The following SPACA6 variants were observed in gnomAD, a reference collection of about 807,000 sequenced individuals.
The protein encoded by SPACA6 is sperm acrosome associated 6, also known as sperm acrosome membrane-associated protein 6.
For missense variants in SPACA6, 8 were observed against 2.8 expected, an observed-to-expected ratio of 2.88 and a Z score of -1.34; for synonymous variants, 6 against 1.5, an observed-to-expected ratio of 4.05 and a Z score of -2.21.
In SPACA6 at chr19:51,704,061, A is replaced by G; in HGVS notation, c.605A>G (p.Asp202Gly). Residue 202 changes from aspartate to glycine, a missense_variant, in exon 7 of 9, where the codon GAT becomes GGT. Coordinates refer to ENST00000637797, the MANE Select transcript of SPACA6 (RefSeq NM_001316972.2). The part of the protein sequence containing the change: ...LRTQDLSYFR[D>G]MPRAEGYLAR... ...ACTCAGGACTTGTCCTATTTCCGAG[A>G]TATGCCGCGGGCCGAAGGATACCTG... 1 of 401,078 alleles carries G rather than the reference A, an allele frequency of 2.5e-6. No individual in the cohort carries two copies. The highest frequency in any genetic ancestry group is 3.6e-5 in the East Asian group (1 of 28,050). 24.8% of individuals were successfully genotyped at this position (401,078 alleles called of 1,614,324 possible).
chr19:51,687,012 G>C (rs1343761009), upstream of SPACA6: 4 of 152,286 alleles, frequency 2.6e-5, no homozygotes, highest in South Asian at 6.2e-4. Context: ...TTTGGGCCAG[G>C]TGTGGTGGCT....
chr19:51,697,054 C>T (rs896231338), intron 2 of SPACA6, among the ~76,000 whole-genome samples: 1 of 152,192 alleles, frequency 6.6e-6, no homozygotes, highest in Non-Finnish European at 1.5e-5. Flanking sequence ...GGCTTCACCA[C>T]CTCTGACCAG....
downstream of SPACA6, among the ~76,000 whole-genome samples, chr19:51,707,599 T>C (rs2083521965): frequency 6.6e-6 from 1 of 152,104 alleles, no homozygotes; most frequent in South Asian, 2.1e-4. Flanking sequence ...TACCAACCAG[T>C]TCTCCAACTC....
upstream of SPACA6, chr19:51,687,254 AATAAATACATAC>A (rs1230387698): frequency 7.3e-6 from 1 of 136,976 alleles, no homozygotes; most frequent in African/African-American, 2.7e-5. Flanking sequence ...CCGTCTCAAA[AATAAATACATAC>A]ATACATACAT....
upstream of SPACA6, chr19:51,693,206 C>T (rs1230746841): frequency 6.9e-6 from 4 of 583,702 alleles, no homozygotes; most frequent in Admixed American, 4.8e-5. Context: ...TGCCTATCTC[C>T]ATCTCTGACC....
chr19:51,706,882 C>T (rs1032504871), downstream of SPACA6, among the ~76,000 whole-genome samples: 1 of 152,214 alleles, frequency 6.6e-6, no homozygotes, highest in Admixed American at 6.5e-5. Flanking sequence ...TGATCTCAAA[C>T]TCCTCACCTC....
intron 2 of SPACA6, among the ~76,000 whole-genome samples, chr19:51,711,510 A>G (rs1338763592): frequency 6.6e-6 from 1 of 152,238 alleles, no homozygotes; most frequent in Non-Finnish European, 1.5e-5. Context: ...ACATAGAATT[A>G]ACATAAACCC....
chr19:51,687,334 A>G (rs1293137874), upstream of SPACA6: 1 of 152,080 alleles, frequency 6.6e-6, no homozygotes, highest in Non-Finnish European at 1.5e-5. Context: ...AATATGCATA[A>G]CCATTAGTTT....
In SPACA6 at chr19:51,703,307, C is replaced by T. The variant is rs2083484891; in HGVS notation, c.543C>T (p.Ile181=). The part of the protein sequence containing the change: ...IVNFQLPKEE[I]TYSWKFAGGG... The stretch of plus-strand genomic sequence containing the variant: ...ACTTCCAGCTGCCAAAGGAGGAGAT[C>T]ACCTATTCCTGGAAGTTCGCAGGAG... Residue 181 remains isoleucine, a synonymous_variant, in exon 6 of 9, where the codon ATC becomes ATT. Transcript: ENST00000637797. This position sits in a 1 kb window ranked among gnomAD's most constrained non-coding sequence, Gnocchi z 4.2. The T allele has an allele frequency of 2.5e-6, 1 of 399,334 alleles. No homozygotes were observed. Among genetic ancestry groups the T allele is most frequent in the Non-Finnish European group, 4.4e-6 (1 of 226,160 alleles). The allele number at this position is 399,334 out of a possible 1,614,324, so 24.7% of individuals were successfully genotyped here.
At chr19:51,688,436 C>G (rs2083338856), upstream of SPACA6, 1 of 152,388 alleles carries the variant, frequency 6.6e-6, no homozygotes, top group Non-Finnish European at 1.5e-5. Context: ...GTGTCATACC[C>G]AGATCACCCG....
At chr19:51,690,562 C>T (rs2083361368), upstream of SPACA6, among the ~76,000 whole-genome samples, 1 of 152,016 alleles carries the variant, frequency 6.6e-6, no homozygotes, top group Admixed American at 6.5e-5. Context: ...CTGTTTGGGT[C>T]TGCTCTCTGA....
upstream of SPACA6, chr19:51,689,294 G>A (rs2083349190): frequency 6.6e-6 from 1 of 152,044 alleles, no homozygotes; most frequent in African/African-American, 2.4e-5. Flanking sequence ...GCGGTGGGGA[G>A]GGGCCGGGGC....
downstream of SPACA6, among the ~76,000 whole-genome samples, chr19:51,707,306 TG>T (rs1376708573): frequency 6.6e-6 from 1 of 151,660 alleles, no homozygotes; most frequent in African/African-American, 2.4e-5. Context: ...CTGCAGCCTT[TG>T]CCTCCTGGGT....
upstream of SPACA6, chr19:51,685,729 C>G (rs907797988): frequency 6.6e-6 from 1 of 152,170 alleles, no homozygotes; most frequent in African/African-American, 2.4e-5. Context: ...GTTGCCCAGG[C>G]TGGTCTCAAA....
intron 2 of SPACA6, among the ~76,000 whole-genome samples, chr19:51,695,193 AAG>A (rs2083419886): frequency 6.6e-6 from 1 of 152,182 alleles, no homozygotes; most frequent in African/African-American, 2.4e-5. Context: ...GAAAAGAGAC[AAG>A]GTGTGACTGT....
chr19:51,711,102 A>T (rs961875347), intron 2 of SPACA6, among the ~76,000 whole-genome samples: 1 of 152,168 alleles, frequency 6.6e-6, no homozygotes, highest in Non-Finnish European at 1.5e-5. Flanking sequence ...AAGGAAGTCA[A>T]GTAAAGAAAG....
At chr19:51,683,682 T>A in the SPACA6 span, among the ~76,000 whole-genome samples, 1 of 152,258 alleles carries the variant, frequency 6.6e-6, no homozygotes, top group Non-Finnish European at 1.5e-5. Context: ...TAACATTCGA[T>A]AATTCTTTTA....
the SPACA6 span, among the ~76,000 whole-genome samples, chr19:51,684,064 C>G: frequency 6.6e-6 from 1 of 152,044 alleles, no homozygotes; most frequent in African/African-American, 2.4e-5. Flanking sequence ...GGCTCACAGA[C>G]AATGAATGAT....
chr19:51,693,311 T>G (rs1390179443), upstream of SPACA6: 1 of 753,558 alleles, frequency 1.3e-6, no homozygotes, highest in Non-Finnish European at 2.5e-6. Context: ...GGGTCACAGG[T>G]GAGGTTCTTG....
Sources: allele counts gnomAD v4.1 joint callset (sites outside exome capture counted in the v4.1 genomes callset), GRCh38; gene constraint gnomAD v4.1.1; non-coding constraint Gnocchi (gnomAD v3.1); transcripts MANE v1.5; gene names NCBI Gene and HGNC (gene_info 2026-07-23, HGNC 2026-07-21).